Variants in UNC13B observed in about 807,000 individuals in gnomAD.
UNC13B encodes the protein protein unc-13 homolog B.
In UNC13B, 144 loss-of-function variants were observed where a neutral mutation model predicts 211.0. The observed-to-expected ratio is 0.68, with a 90% confidence interval of 0.60 to 0.78. The LOEUF is 0.78. Ranked by LOEUF, UNC13B falls within the 30% of genes least tolerant of loss-of-function variation. The pLI is 0.00. For synonymous variants in UNC13B, 709 were observed against 725.8 expected, an observed-to-expected ratio of 0.98 and a Z score of 0.37; for missense variants, 1,777 against 2,002.0, an observed-to-expected ratio of 0.89 and a Z score of 2.14.
intron 5 of UNC13B, among the ~76,000 whole-genome samples, chr9:35,238,318 C>T (rs899391419): frequency 6.6e-6 from 1 of 152,156 alleles, no homozygotes; most frequent in Non-Finnish European, 1.5e-5. Context: ...CTTTAATCTT[C>T]TCTGCATTCT....
Position 35,284,989 on chromosome 9 carries a change from T to C in UNC13B, c.527-10707T>C, listed in dbSNP as rs566186758. ...TACTTTTTAATGTGACTATTTCTGA[T>C]TTCTTACATTTTCCACTAGAAACAA... On this transcript the variant is annotated intron_variant, in intron 7 of 39. Coordinates refer to ENST00000635942, the MANE Select transcript of UNC13B (RefSeq NM_001371189.2). Among the ~76,000 whole-genome samples the C allele has an allele frequency of 9.8e-5, 15 of 152,336 alleles. No homozygotes were observed. The South Asian group carries it at 3.1e-3, about 32-fold the overall frequency.
intron 11 of UNC13B, among the ~76,000 whole-genome samples, chr9:35,331,408 C>A (rs762071117): frequency 1.3e-5 from 2 of 152,036 alleles, no homozygotes; most frequent in Non-Finnish European, 2.9e-5. Context: ...TCACCACACC[C>A]GGCTAAATTT....
At position 35,380,504 on chromosome 9, in the gene UNC13B, C is replaced by G. The variant is rs774827252; in HGVS notation, c.10240C>G (p.Arg3414Gly). 6.2e-6 allele frequency: 10 copies of G among 1,613,974 alleles called. No homozygotes were observed. The highest frequency in any genetic ancestry group is 1.3e-5 in the African/African-American group (1 of 74,888). Residue 3414 changes from arginine to glycine, a missense_variant, in exon 18 of 40, where the codon CGT becomes GGT. Transcript: ENST00000635942. ...CHNSSDRIKV[R>G]VWDEDDDIKS... ...CAACTCCTCTGACCGCATTAAGGTG[C>G]GTGTATGGGATGAGGATGATGACAT...
chr9:35,307,412 A>T lies in UNC13B; in HGVS notation c.8008A>T (p.Ile2670Phe). ...TCIAEELPPP[I>F]QPPLPLEPEP... is the part of the protein sequence containing the mutation. ...CATTGCCGAAGAGCTTCCTCCTCCCATTCAGCCACCTCTTCCTCTTGAGCC... is the reference window on the plus strand; with the variant it reads ...CATTGCCGAAGAGCTTCCTCCTCCCTTTCAGCCACCTCTTCCTCTTGAGCC... Residue 2670 changes from isoleucine to phenylalanine, a missense_variant, in exon 9 of 40, where the codon ATT becomes TTT. Coordinates refer to ENST00000635942, the MANE Select transcript of UNC13B (RefSeq NM_001371189.2). 1 of 398,964 alleles carries T rather than the reference A, an allele frequency of 2.5e-6. No homozygotes were observed. 24.7% of individuals were successfully genotyped at this position (398,964 alleles called of 1,614,324 possible).
chr9:35,314,874 C>CTTTTT (rs765803997), intron 11 of UNC13B, among the ~76,000 whole-genome samples: 15 of 57,778 alleles, frequency 2.6e-4, no homozygotes, highest in Non-Finnish European at 3.8e-4. Context: ...GATTCCGTAT[C>CTTTTT]TTTTTTTTTT....
chr9:35,211,520 T>C (rs894372325), intron 1 of UNC13B, among the ~76,000 whole-genome samples: 5 of 152,254 alleles, frequency 3.3e-5, no homozygotes, highest in African/African-American at 1.2e-4. Context: ...ACATTTAGGC[T>C]GATTCTAACA....
chr9:35,208,512 A>G (rs964433813), intron 1 of UNC13B, among the ~76,000 whole-genome samples: 6 of 152,208 alleles, frequency 3.9e-5, no homozygotes, highest in African/African-American at 1.4e-4. Context: ...CTGTACAGGA[A>G]GCATGGTGGC....
intron 26 of UNC13B, 150 bp downstream of exon 26, chr9:35,390,864 C>G: frequency 1.3e-6 from 1 of 781,754 alleles, no homozygotes; most frequent in East Asian, 3.0e-5. Context: ...ATGTAGGCCC[C>G]GGGAGACCTT....
At chr9:35,265,008 C>T (rs943140331) in intron 7 of UNC13B, among the ~76,000 whole-genome samples, 7 of 152,110 alleles carry the variant, frequency 4.6e-5, no homozygotes, top group African/African-American at 1.2e-4. Flanking sequence ...CAAGATCACT[C>T]GTCTTATTTA....
rs1829644880 is a variant in UNC13B, at chr9:35,300,883, T to G, written c.1479T>G (p.His493Gln). The stretch of plus-strand genomic sequence containing the variant: ...CACTTTCAAAAACTAAAAAATCACA[T>G]AAACAAAATAGTACTCTTGATGCAG... ...FGSLSKTKKS[H>Q]KQNSTLDAEQ... Residue 493 changes from histidine (H) to glutamine (Q), a missense_variant, in exon 9 of 40, where the codon CAT becomes CAG. By Grantham distance (24) the His-to-Gln change is conservative. Coordinates refer to ENST00000635942, the MANE Select transcript of UNC13B (RefSeq NM_001371189.2). 2.5e-6 allele frequency: 1 copy of G among 398,774 alleles called. No individual in the cohort carries two copies. The highest frequency in any genetic ancestry group is 4.4e-5 in the Admixed American group (1 of 22,698). 24.7% of individuals were successfully genotyped at this position (398,774 alleles called of 1,614,324 possible). A position where few individuals can be genotyped will look rare whatever the true frequency, so the allele number is the denominator to read the frequency against.
chr9:35,396,582 G>A lies in UNC13B; in HGVS notation c.11415G>A (p.Gly3805=), dbSNP rs763996456. ...TGCGGGATCTGCCTGTCCTCCAGGG[G>A]CAGGTGCCTGAGTACCCAGCGTGAG... The part of the protein sequence containing the change: ...EYVRDLPVLQ[G]QVPEYPAWFE... Residue 3805 remains glycine (G), a synonymous_variant, in exon 27 of 40, where the codon GGG becomes GGA. Transcript: ENST00000635942. 22 of 1,614,068 alleles carry A rather than the reference G, an allele frequency of 1.4e-5. No homozygotes were observed. In the South Asian group the frequency reaches 2.3e-4, roughly 17 times the overall value.
At chr9:35,398,163 C>T (rs763471447) in intron 30 of UNC13B, 48 bp from the exon 31 acceptor site, 28 of 1,578,040 alleles carry the variant, frequency 1.8e-5, no homozygotes, top group South Asian at 2.3e-5. Flanking sequence ...GCTAATGGGT[C>T]CTATGCTGAA....
chr9:35,247,855 G>A (rs1826197929), intron 6 of UNC13B, among the ~76,000 whole-genome samples: 1 of 152,152 alleles, frequency 6.6e-6, no homozygotes, highest in African/African-American at 2.4e-5. Context: ...GTATCAGGAT[G>A]ATGCTGGCCT....
intron 13 of UNC13B, among the ~76,000 whole-genome samples, 170 bp from the exon 14 acceptor site, chr9:35,374,957 C>G (rs1418827198): frequency 6.6e-6 from 1 of 152,206 alleles, no homozygotes; most frequent in African/African-American, 2.4e-5. Flanking sequence ...GGTTTTGCAT[C>G]TTAACCTGGG....
intron 11 of UNC13B, among the ~76,000 whole-genome samples, chr9:35,333,786 C>G (rs1831497517): frequency 6.6e-6 from 1 of 152,174 alleles, no homozygotes; most frequent in Non-Finnish European, 1.5e-5. Context: ...ATTAGTCACT[C>G]ACTCCAACCT....
rs193048139 is a variant in UNC13B, at chr9:35,219,842, A to G, written c.23-8173A>G. Among the ~76,000 whole-genome samples the G allele has an allele frequency of 8.0e-4, 121 of 152,156 alleles. 4 individuals carry two copies. The East Asian group carries it at 0.021, about 26-fold the overall frequency. ...CTTTCCCAAGCTGTAGTCACTCTCA[A>G]AGTTGGTGTGCATTCCTTCCTTTTA... On this transcript the variant is annotated intron_variant, in intron 1 of 39. Coordinates refer to ENST00000635942, the MANE Select transcript of UNC13B (RefSeq NM_001371189.2).
chr9:35,176,440 C>T (rs926488254), intron 1 of UNC13B, among the ~76,000 whole-genome samples: 2 of 151,846 alleles, frequency 1.3e-5, no homozygotes, highest in Non-Finnish European at 2.9e-5. Flanking sequence ...CCCAGCTACT[C>T]GGGACTCTGA....
chr9:35,219,686 A>G (rs1452437576), intron 1 of UNC13B, among the ~76,000 whole-genome samples: 1 of 152,022 alleles, frequency 6.6e-6, no homozygotes, highest in East Asian at 1.9e-4. Context: ...AAGAACAGAG[A>G]ATAATATATT....
chr9:35,268,544 G>A (rs760880897), intron 7 of UNC13B, among the ~76,000 whole-genome samples: 10 of 152,160 alleles, frequency 6.6e-5, no homozygotes, highest in Non-Finnish European at 1.0e-4. Context: ...GCTTGAACCC[G>A]TGAGACGGAG....
Sources: gnomAD v4.1 joint callset for allele counts (sites outside exome capture counted in the v4.1 genomes callset) on GRCh38, gnomAD v4.1.1 for gene constraint, MANE v1.5 for transcripts, NCBI Gene and HGNC (gene_info 2026-07-23, HGNC 2026-07-21) for gene names.